Variants in RPS3A observed in about 807,000 individuals in gnomAD.
RPS3A encodes small ribosomal subunit protein eS1.
RPS3A carries 1 observed loss-of-function variant against 26.4 expected under a neutral mutation model. The observed-to-expected ratio is 0.04, with a 90% CI of 0.01 to 0.18. RPS3A has a LOEUF of 0.18. Among genes scored for constraint, RPS3A ranks in the 10% least tolerant of loss-of-function variants. RPS3A has a pLI of 1.00. For missense variants in RPS3A, 139 were observed against 326.8 expected, an observed-to-expected ratio of 0.43 and a Z score of 4.43; for synonymous variants, 97 against 106.1, an observed-to-expected ratio of 0.91 and a Z score of 0.53.
chr4:151,103,361 C>T, intron 4 of RPS3A: 2 of 591,444 alleles, frequency 3.4e-6, no homozygotes, highest in South Asian at 3.2e-5. Context: ...TCAAGCAGTT[C>T]TTGAGCCTCA....
At chr4:151,104,035 T>C (rs1477957547) in intron 4 of RPS3A, 142 bp from the exon 5 acceptor site, 1 of 1,489,012 alleles carries the variant, frequency 6.7e-7, no homozygotes, top group Non-Finnish European at 9.0e-7. Context: ...TAATGGCTTA[T>C]CTTAACAGGA....
At chr4:151,103,884 C>A in intron 4 of RPS3A, 1 of 1,441,010 alleles carries the variant, frequency 6.9e-7, no homozygotes, top group Non-Finnish European at 9.3e-7. Context: ...CAACATTTTT[C>A]TGATGTTCCC....
At chr4:151,103,585 AAT>A (rs1747225319) in intron 4 of RPS3A, 2 of 1,049,378 alleles carry the variant, frequency 1.9e-6, no homozygotes, top group South Asian at 5.8e-5. Context: ...AAGGACAGGA[AAT>A]GTTTTTCCCC....
intron 1 of RPS3A, 81 bp from the exon 2 acceptor site, chr4:151,100,404 T>C (rs1255354152): frequency 1.2e-6 from 1 of 808,750 alleles, no homozygotes; most frequent in Admixed American, 2.2e-5. Flanking sequence ...TTTTAAAATA[T>C]TAATGGGAAA....
intron 3 of RPS3A, 83 bp downstream of exon 3, chr4:151,101,245 T>C (rs1360903781): frequency 2.6e-6 from 2 of 761,350 alleles, no homozygotes; most frequent in Admixed American, 6.8e-5. Context: ...AAGGAGCAAG[T>C]TCATTTTATT....
intron 4 of RPS3A, 126 bp downstream of exon 4, chr4:151,103,205 A>C: frequency 7.0e-7 from 1 of 1,420,452 alleles, no homozygotes. Flanking sequence ...TTCTAGCTAT[A>C]TCTCTTTAAG....
At chr4:151,101,276 A>G (rs1187428663) in intron 3 of RPS3A, 114 bp downstream of exon 3, 1 of 591,724 alleles carries the variant, frequency 1.7e-6, no homozygotes, top group Non-Finnish European at 2.7e-6. Flanking sequence ...GACCAGTGAA[A>G]TGTCCACAAA....
chr4:151,103,968 T>C, intron 4 of RPS3A: 1 of 1,520,816 alleles, frequency 6.6e-7, no homozygotes, highest in Non-Finnish European at 8.9e-7. Context: ...TCTACTAACT[T>C]TGCCACTAGC....
rs1197501737 is a variant in RPS3A, at chr4:151,104,538, G to A, written c.740G>A (p.Gly247Asp). Residue 247 changes from glycine (G) to aspartate (D), a missense_variant, in exon 6 of 6, where the codon GGT becomes GAT. Gly to Asp is a moderately conservative substitution (Grantham distance 94). Transcript: ENST00000274065. ...GGAAAAGCCACTGGGGACGAGACAG[G>A]TGCTAAAGTTGAACGAGCTGATGGA... is the stretch of plus-strand genomic sequence containing the variant. The part of the protein sequence containing the change: ...SSGKATGDET[G>D]AKVERADGYE... 6.4e-7 allele frequency: 1 copy of A among 1,569,432 alleles called. No homozygotes were observed. Among genetic ancestry groups the A allele is most frequent in the East Asian group, 2.3e-5 (1 of 43,830 alleles).
rs529031995 is a variant in RPS3A, at chr4:151,100,398, A to T, written c.63-87A>T. On this transcript the variant is annotated intron_variant, in intron 1 of 5. Coordinates refer to ENST00000274065, the MANE Select transcript of RPS3A (RefSeq NM_001006.5). ...GTATCAAATTGCCGGTTAGCTTTTT[A>T]AAATATTAATGGGAAATACCATTAA... 141 of 784,110 alleles carry T rather than the reference A, an allele frequency of 1.8e-4. 1 individual carries two copies. In the South Asian group the frequency reaches 2.1e-3, roughly 11 times the overall value. The allele number at this position is 784,110 out of a possible 1,614,324, so 48.6% of individuals were successfully genotyped here.
At position 151,102,919 on chromosome 4, in the gene RPS3A, C is replaced by T. The variant is rs748526086; in HGVS notation, c.403C>T (p.Leu135Phe). ...TGTCAAGACTACCGATGGTTACTTG[C>T]TTCGTCTGTTCTGTGTTGGTTTTAC... ...VDVKTTDGYL[L>F]RLFCVGFTKK... The change falls in exon 4 of 6, where the codon CTT becomes TTT. Residue 135 changes from leucine (L) to phenylalanine (F), a missense_variant. Transcript: ENST00000274065. 4 of 1,611,620 alleles carry T rather than the reference C, an allele frequency of 2.5e-6. No individual in the cohort carries two copies. Among genetic ancestry groups the T allele is most frequent in the Middle Eastern group, 1.7e-4 (1 of 5,934 alleles).
intron 4 of RPS3A, chr4:151,103,758 A>G: frequency 7.9e-7 from 1 of 1,261,050 alleles, no homozygotes; most frequent in South Asian, 1.3e-5. Flanking sequence ...ATATACGTAT[A>G]TATATATACA....
chr4:151,101,715 A>G (rs943419464), intron 3 of RPS3A, among the ~76,000 whole-genome samples: 1 of 152,062 alleles, frequency 6.6e-6, no homozygotes. Context: ...CTGGCTAACT[A>G]TCCAGTTGGA....
rs780268525 is a variant in RPS3A, at chr4:151,103,823, C to CG, written c.564-351dup. On this transcript the variant is annotated intron_variant, in intron 4 of 5. Coordinates refer to ENST00000274065, the MANE Select transcript of RPS3A (RefSeq NM_001006.5). ...AAAACCTTTCATGATTAATGATGCA[C>CG]GGGAATAAGTGATGAAAAAAGTTTC... is the stretch of plus-strand genomic sequence containing the variant. 4 of 1,366,406 alleles carry CG rather than the reference C, an allele frequency of 2.9e-6. No homozygotes were observed. In the South Asian group the frequency reaches 4.5e-5, roughly 16 times the overall value. The allele number at this position is 1,366,406 out of a possible 1,614,324, so 84.6% of individuals were successfully genotyped here.
intron 1 of RPS3A, 107 bp downstream of exon 1, chr4:151,099,821 G>T: frequency 4.8e-6 from 6 of 1,254,120 alleles, no homozygotes; most frequent in African/African-American, 1.5e-5. Context: ...CAGTCGGATT[G>T]TGCGGGCCGT....
intron 4 of RPS3A, chr4:151,103,743 A>G (rs1310451905): frequency 1.5e-5 from 17 of 1,164,332 alleles, no homozygotes; most frequent in Non-Finnish European, 1.9e-5. Flanking sequence ...CCCAAAAAAT[A>G]AAAAATATAC....
intron 4 of RPS3A, 70 bp downstream of exon 4, chr4:151,103,149 C>T (rs1351884775): frequency 1.4e-5 from 21 of 1,527,806 alleles, no homozygotes; most frequent in Non-Finnish European, 1.8e-5. Flanking sequence ...TGAGAGAACG[C>T]ATATGAGACA....
Position 151,104,531 on chromosome 4 carries a change from G to A in RPS3A, c.733G>A (p.Glu245Lys), listed in dbSNP as rs760108925. 9.5e-6 allele frequency: 15 copies of A among 1,576,066 alleles called. No homozygotes were observed. In the Admixed American group the frequency reaches 1.3e-4, roughly 14 times the overall value. ...GSSSGKATGD[E>K]TGAKVERADG... ...TAGTTCTGGAAAAGCCACTGGGGAC[G>A]AGACAGGTGCTAAAGTTGAACGAGC... The change falls in exon 6 of 6, where the codon GAG (glutamate) becomes AAG (lysine). Residue 245 changes from glutamate (E) to lysine (K), a missense_variant. This residue lies in a region of RPS3A where 96 missense variants were observed against 209.8 expected (regional missense o/e 0.46). Coordinates refer to ENST00000274065, the MANE Select transcript of RPS3A (RefSeq NM_001006.5).
chr4:151,099,992 C>T (rs529094294), intron 1 of RPS3A: 7 of 642,666 alleles, frequency 1.1e-5, no homozygotes, highest in Admixed American at 2.1e-5. Flanking sequence ...TCACGAGCTG[C>T]CTCAATTCTG....
Sources: allele counts gnomAD v4.1 joint callset (sites outside exome capture counted in the v4.1 genomes callset), GRCh38; gene constraint gnomAD v4.1.1; regional missense constraint gnomAD v4.1.1; transcripts MANE v1.5; gene names NCBI Gene and HGNC (gene_info 2026-07-23, HGNC 2026-07-21).